Variants in AVEN observed in about 807,000 individuals in gnomAD.
The protein encoded by AVEN is apoptosis and caspase activation inhibitor.
In AVEN, 41 loss-of-function variants were observed where a neutral mutation model predicts 38.1. The observed-to-expected ratio is 1.08, with a 90% CI of 0.84 to 1.40. The LOEUF is 1.40. Ranked by LOEUF, AVEN falls within the 40% of genes most tolerant of loss-of-function variation. The probability of loss-of-function intolerance (pLI) is 0.00; values close to 1 mark genes in which losing one functional copy is unlikely to be tolerated. For missense variants in AVEN, 605 were observed against 438.8 expected (o/e 1.38, Z -3.38); for synonymous variants, 206 against 171.8 (o/e 1.20, Z -1.56).
intron 2 of AVEN, among the ~76,000 whole-genome samples, chr15:33,919,567 C>T (rs1187445756): frequency 1.3e-5 from 2 of 152,144 alleles, no homozygotes; most frequent in African/African-American, 4.8e-5. Context: ...TATCAATCCC[C>T]CTTAGACAAC....
upstream of AVEN, among the ~76,000 whole-genome samples, chr15:34,042,510 C>A (rs568497682): frequency 2.0e-5 from 3 of 150,740 alleles, no homozygotes; most frequent in African/African-American, 7.3e-5. Flanking sequence ...AAGCGATTCT[C>A]CTGCCTCAGC....
chr15:33,918,458 C>CTTTTTTTTT (rs33928063), intron 2 of AVEN, among the ~76,000 whole-genome samples: 2 of 84,504 alleles, frequency 2.4e-5, no homozygotes, highest in Admixed American at 1.8e-4. Flanking sequence ...TAAATTACAG[C>CTTTTTTTTT]TTTTTTTTTT....
chr15:34,052,958 C>G (rs2140829741), intron 5 of AVEN, among the ~76,000 whole-genome samples: 1 of 152,182 alleles, frequency 6.6e-6, no homozygotes, highest in African/African-American at 2.4e-5. Flanking sequence ...TCTCATGAAA[C>G]TACCATTGAT....
chr15:34,016,181 C>T (rs1364195316), intron 1 of AVEN, among the ~76,000 whole-genome samples: 1 of 152,160 alleles, frequency 6.6e-6, no homozygotes, highest in Non-Finnish European at 1.5e-5. Flanking sequence ...TTACAGTGAG[C>T]CAAGATCGTG....
intron 1 of AVEN, among the ~76,000 whole-genome samples, chr15:34,015,958 TGA>T (rs1897885450): frequency 6.6e-6 from 1 of 152,184 alleles, no homozygotes; most frequent in Non-Finnish European, 1.5e-5. Flanking sequence ...CCCTCAGATC[TGA>T]ACAGTAACCA....
At chr15:33,985,682 C>T (rs1185713306) in intron 2 of AVEN, among the ~76,000 whole-genome samples, 4 of 152,052 alleles carry the variant, frequency 2.6e-5, no homozygotes, top group Non-Finnish European at 5.9e-5. Context: ...TGACATGATG[C>T]ATGATACACC....
intron 2 of AVEN, among the ~76,000 whole-genome samples, chr15:33,980,324 C>CT (rs2140521787): frequency 1.3e-5 from 2 of 152,296 alleles, no homozygotes; most frequent in African/African-American, 4.8e-5. Context: ...AATCATCGCA[C>CT]TGGTAATGTC....
chr15:34,028,326 A>G (rs1356612232), intron 1 of AVEN, among the ~76,000 whole-genome samples: 1 of 152,216 alleles, frequency 6.6e-6, no homozygotes. Context: ...GCACTTTGGG[A>G]AGCCAAGGCA....
chr15:34,040,575 A>G (rs937665486), upstream of AVEN, among the ~76,000 whole-genome samples: 6 of 152,238 alleles, frequency 3.9e-5, no homozygotes, highest in South Asian at 2.1e-4. Flanking sequence ...GAGGTAAGCT[A>G]GTGTTGTCTC....
chr15:33,858,136 G>A, downstream of AVEN: 1 of 592,806 alleles, frequency 1.7e-6, no homozygotes, highest in South Asian at 2.3e-5. Flanking sequence ...ACACATCTAA[G>A]CCCCGTGGAA....
chr15:33,854,473 A>G (rs756291226), downstream of AVEN: 1 of 1,539,990 alleles, frequency 6.5e-7, no homozygotes, highest in African/African-American at 1.4e-5. Context: ...CTGGAAAAAC[A>G]AAATTCTATA....
chr15:33,852,894 C>T, the AVEN span: 3 of 677,800 alleles, frequency 4.4e-6, no homozygotes, highest in East Asian at 8.4e-5. Flanking sequence ...CCTGTGATGA[C>T]TCTGAACTTC....
chr15:33,877,049 G>A (rs1891262967), intron 2 of AVEN, among the ~76,000 whole-genome samples: 1 of 152,144 alleles, frequency 6.6e-6, no homozygotes, highest in Non-Finnish European at 1.5e-5. Context: ...GTTGTTCTCA[G>A]AGAAAAAGTT....
upstream of AVEN, among the ~76,000 whole-genome samples, chr15:34,039,827 G>A (rs1899390104): frequency 6.6e-6 from 1 of 152,112 alleles, no homozygotes; most frequent in African/African-American, 2.4e-5. Flanking sequence ...TAACAGCCTT[G>A]GAAAGGTTAA....
rs1365377341 is a variant in AVEN, at chr15:33,904,686, A to C, written c.446-28691T>G. On this transcript the variant is annotated intron_variant, in intron 2 of 5. Coordinates refer to ENST00000306730, the MANE Select transcript of AVEN (RefSeq NM_020371.3). ...CCTTGGCCGAGACTGTTTCTTTAAAAAAAAAAAAATATATATATATATATA... is the reference window on the plus strand; with the variant it reads ...CCTTGGCCGAGACTGTTTCTTTAAACAAAAAAAAATATATATATATATATA... Among the ~76,000 whole-genome samples the C allele has an allele frequency of 7.5e-4, 9 of 12,068 alleles. No individual in the cohort carries two copies. In the Non-Finnish European group the frequency reaches 0.022, roughly 30 times the overall value. The allele number at this position is 12,068 out of a possible 152,430, so 7.9% of individuals were successfully genotyped here.
intron 2 of AVEN, among the ~76,000 whole-genome samples, chr15:33,886,292 TC>T (rs1461359526): frequency 6.6e-6 from 1 of 152,056 alleles, no homozygotes; most frequent in Non-Finnish European, 1.5e-5. Flanking sequence ...GATAGTAAGT[TC>T]TGACAAGATT....
intron 2 of AVEN, among the ~76,000 whole-genome samples, chr15:33,997,218 T>C (rs770447124): frequency 1.8e-4 from 28 of 152,248 alleles, no homozygotes; most frequent in Non-Finnish European, 3.8e-4. Context: ...TTTAAAACAA[T>C]GCACTGAAAG....
chr15:33,907,725 A>G (rs1301916135), intron 2 of AVEN, among the ~76,000 whole-genome samples: 1 of 151,814 alleles, frequency 6.6e-6, no homozygotes, highest in Non-Finnish European at 1.5e-5. Flanking sequence ...GTCCTAATAA[A>G]CCTTGAAAAC....
intron 2 of AVEN, among the ~76,000 whole-genome samples, chr15:33,928,998 C>T (rs76051308): frequency 7.0e-4 from 107 of 152,212 alleles, no homozygotes; most frequent in African/African-American, 2.0e-3. Context: ...CTAATCATAA[C>T]GGCCTCAAGA....
Sources: gnomAD v4.1 joint callset for allele counts (sites outside exome capture counted in the v4.1 genomes callset) on GRCh38, gnomAD v4.1.1 for gene constraint, MANE v1.5 for transcripts, NCBI Gene and HGNC (gene_info 2026-07-23, HGNC 2026-07-21) for gene names.